MKRN1: variants seen among roughly 807,000 people sequenced by gnomAD.
MKRN1 encodes the protein makorin ring finger protein 1, also known as E3 ubiquitin-protein ligase makorin-1.
MKRN1 carries 9 observed loss-of-function variants against 55.5 expected under a neutral mutation model. The ratio of observed to expected loss-of-function variants is 0.16; its 90% CI spans 0.10 to 0.28. The LOEUF (loss-of-function observed/expected upper bound fraction) is 0.28, where lower values mean the gene tolerates loss of function less well. MKRN1 is among the 10% of genes least tolerant of loss of function. The probability of loss-of-function intolerance (pLI) is 1.00; values close to 1 mark genes in which losing one functional copy is unlikely to be tolerated. For missense variants in MKRN1, 488 were observed against 626.7 expected, an observed-to-expected ratio of 0.78 and a Z score of 2.36; for synonymous variants, 253 against 235.9, an observed-to-expected ratio of 1.07 and a Z score of -0.66.
intron 1 of MKRN1, chr7:140,475,183 C>G: frequency 2.3e-6 from 1 of 426,784 alleles, no homozygotes; most frequent in South Asian, 1.7e-5. Flanking sequence ...CTCTACTAAA[C>G]GTACAAATAA....
At chr7:140,464,755 CAAA>C (rs199775052) in intron 2 of MKRN1, among the ~76,000 whole-genome samples, 5 of 144,458 alleles carry the variant, frequency 3.5e-5, no homozygotes, top group African/African-American at 1.2e-4. Context: ...AGATAATTTC[CAAA>C]AAAAAAAAAA....
At position 140,479,231 on chromosome 7, in the gene MKRN1, G is replaced by A. The variant is rs1427116232; in HGVS notation, c.114C>T (p.Ser38=). 1 of 1,449,694 alleles carries A rather than the reference G, an allele frequency of 6.9e-7. No homozygotes were observed. The highest frequency in any genetic ancestry group is 2.8e-5 in the Admixed American group (1 of 35,272). The allele number at this position is 1,449,694 out of a possible 1,614,324, so 89.8% of individuals were successfully genotyped here. A position where few individuals can be genotyped will look rare whatever the true frequency, so the allele number is the denominator to read the frequency against. The change falls in exon 1 of 8, where the codon TCC becomes TCT. Residue 38 remains serine (S), a synonymous_variant. Transcript: ENST00000255977. ...PTPIPTVTAP[S]LGAGGGGGGS... ...CGCCGCCCCCTCCGCCCGCCCCCAG[G>A]GACGGGGCGGTGACTGTGGGGATCG... is the stretch of plus-strand genomic sequence containing the variant.
chr7:140,472,252 T>C lies in MKRN1; in HGVS notation c.186-241A>G, dbSNP rs1794950165. ...CGGTTCGAGACCAGCCTGGGCAACA[T>C]GGTGAAACCCCGTCTCTACTAAAAA... On this transcript the variant is annotated intron_variant, in intron 1 of 7. Coordinates refer to ENST00000255977, the MANE Select transcript of MKRN1 (RefSeq NM_013446.4). 6.6e-6 allele frequency: 3 copies of C among 451,160 alleles called. No individual in the cohort carries two copies. In the South Asian group the frequency reaches 6.9e-5, roughly 10 times the overall value. 27.9% of individuals were successfully genotyped at this position (451,160 alleles called of 1,614,324 possible).
chr7:140,470,801 C>G (rs1794901134), intron 2 of MKRN1, among the ~76,000 whole-genome samples: 1 of 151,710 alleles, frequency 6.6e-6, no homozygotes, highest in Non-Finnish European at 1.5e-5. Flanking sequence ...GATGTAATCC[C>G]ATCTACTTGG....
intron 1 of MKRN1, among the ~76,000 whole-genome samples, chr7:140,476,134 G>A (rs1795110044): frequency 6.6e-6 from 1 of 152,074 alleles, no homozygotes; most frequent in South Asian, 2.1e-4. Flanking sequence ...TGTGCTATAG[G>A]GAGAAATGAG....
At chr7:140,475,655 C>A (rs1795098717) in intron 1 of MKRN1, among the ~76,000 whole-genome samples, 1 of 151,958 alleles carries the variant, frequency 6.6e-6, no homozygotes, top group Non-Finnish European at 1.5e-5. Context: ...CAGAGCGAGA[C>A]CCTATCTCAA....
intron 2 of MKRN1, among the ~76,000 whole-genome samples, chr7:140,466,275 T>C (rs1794762967): frequency 6.6e-6 from 1 of 152,208 alleles, no homozygotes; most frequent in Non-Finnish European, 1.5e-5. Flanking sequence ...TTTCTCTACT[T>C]CCTTTCACTT....
chr7:140,472,308 T>A, intron 1 of MKRN1: 1 of 322,242 alleles, frequency 3.1e-6, no homozygotes, highest in South Asian at 3.0e-5. Flanking sequence ...GTGGCACACA[T>A]GTTAATCCCA....
intron 4 of MKRN1, 44 bp from the exon 5 acceptor site, chr7:140,456,910 C>T (rs774904230): frequency 1.9e-6 from 3 of 1,565,790 alleles, no homozygotes; most frequent in Non-Finnish European, 2.6e-6. Context: ...AGTCATTGAA[C>T]CCTGAAAAAC....
intron 2 of MKRN1, among the ~76,000 whole-genome samples, chr7:140,463,656 T>C (rs578156577): frequency 0.036 from 5,500 of 151,618 alleles, 143 homozygotes; most frequent in East Asian, 0.12. Flanking sequence ...GAGGCCAAGG[T>C]GGGCGGATCA....
chr7:140,456,801 C>T lies in MKRN1; in HGVS notation c.837G>A (p.Met279Ile). The change falls in exon 5 of 8, where the codon ATG (methionine) becomes ATA (isoleucine). Residue 279 changes from methionine to isoleucine, a missense_variant. Physicochemically the swap from Met to Ile is conservative, Grantham distance 10. Around this residue, in one of 2 missense-constraint regions of MKRN1, gnomAD observed 278 missense variants for 406.7 expected, o/e 0.68. Transcript: ENST00000255977. ...LSFAVQRSKD[M>I]VCGICMEVVY... ...CCACCTCCATGCAGATCCCACACAC[C>T]ATGTCCTTGCTGCGCTGCACGGCAA... 1 of 1,614,016 alleles carries T rather than the reference C, an allele frequency of 6.2e-7. No individual in the cohort carries two copies. The highest frequency in any genetic ancestry group is 8.5e-7 in the Non-Finnish European group (1 of 1,179,916).
At chr7:140,461,282 T>C (rs1429414077) in intron 2 of MKRN1, among the ~76,000 whole-genome samples, 1 of 152,218 alleles carries the variant, frequency 6.6e-6, no homozygotes, top group African/African-American at 2.4e-5. Flanking sequence ...TCTCTCCTTT[T>C]CATCTGTAAA....
intron 4 of MKRN1, 168 bp from the exon 5 acceptor site, chr7:140,457,034 T>G (rs1585463987): frequency 1.7e-5 from 7 of 402,930 alleles, no homozygotes; most frequent in South Asian, 7.4e-5. Context: ...AGGTGTGGTG[T>G]TTTTTTTTTG....
Position 140,454,348 on chromosome 7 carries a change from C to T in MKRN1, c.*169G>A, listed in dbSNP as rs76185706. 1.3e-3 allele frequency: 836 copies of T among 637,738 alleles called. 7 individuals carry two copies. The East Asian group carries it at 0.022, about 17-fold the overall frequency. The allele number at this position is 637,738 out of a possible 1,614,324, so 39.5% of individuals were successfully genotyped here. ...TTTTCAACAGGGAAAACAACACACT[C>T]CTCAGGGAAAGGTGAGGGGTTGAGA... On this transcript the variant is annotated 3_prime_UTR_variant, in exon 8 of 8. Coordinates refer to ENST00000255977, the MANE Select transcript of MKRN1 (RefSeq NM_013446.4).
chr7:140,476,646 T>TCA (rs1365587459), intron 1 of MKRN1, among the ~76,000 whole-genome samples: 6 of 150,498 alleles, frequency 4.0e-5, no homozygotes, highest in South Asian at 2.1e-4. Context: ...AAGCATTTAC[T>TCA]CAGTATCTGC....
intron 1 of MKRN1, among the ~76,000 whole-genome samples, chr7:140,474,826 C>A (rs1795073236): frequency 6.6e-6 from 1 of 151,056 alleles, no homozygotes. Context: ...TCAAGTGATT[C>A]TCCCACCTCA....
At chr7:140,463,624 G>A (rs899561317) in intron 2 of MKRN1, among the ~76,000 whole-genome samples, 29 of 152,158 alleles carry the variant, frequency 1.9e-4, no homozygotes, top group East Asian at 9.7e-4. Context: ...GGTGGCTCAC[G>A]CCTGTAATCC....
Position 140,454,697 on chromosome 7 carries a change from A to T in MKRN1, c.1269T>A (p.Ile423=). 6.2e-7 allele frequency: 1 copy of T among 1,613,894 alleles called. No homozygotes were observed. The highest frequency in any genetic ancestry group is 8.5e-7 in the Non-Finnish European group (1 of 1,179,846). The change falls in exon 8 of 8, where the codon ATT becomes ATA. Residue 423 remains isoleucine (I), a synonymous_variant. Coordinates refer to ENST00000255977, the MANE Select transcript of MKRN1 (RefSeq NM_013446.4). ...AGGGGTTGCTGTTCTCTCTTTCCTC[A>T]ATGAGTTCCCAGAAGTGGTTCCTTC... ...AQRRNHFWEL[I]EERENSNPFD...
chr7:140,456,145 G>T, intron 5 of MKRN1: 1 of 1,166,212 alleles, frequency 8.6e-7, no homozygotes, highest in Non-Finnish European at 1.1e-6. Flanking sequence ...TATAACTTAG[G>T]TAAAAAACAA....
Sources: allele counts gnomAD v4.1 joint callset (sites outside exome capture counted in the v4.1 genomes callset), GRCh38; gene constraint gnomAD v4.1.1; regional missense constraint gnomAD v4.1.1; transcripts MANE v1.5; gene names NCBI Gene and HGNC (gene_info 2026-07-23, HGNC 2026-07-21).